Variants in ZSWIM5 observed in about 807,000 individuals in gnomAD.
ZSWIM5 encodes zinc finger SWIM-type containing 5.
A neutral mutation model predicts 119.6 loss-of-function variants in ZSWIM5; 55 were observed. That is an observed-to-expected ratio of 0.46 (90% CI 0.37 to 0.58). The LOEUF is 0.58. ZSWIM5 is among the 20% of genes least tolerant of loss of function. The probability of loss-of-function intolerance (pLI) is 0.00; values close to 1 mark genes in which losing one functional copy is unlikely to be tolerated. For synonymous variants in ZSWIM5, 537 were observed against 606.9 expected, an observed-to-expected ratio of 0.88 and a Z score of 1.69; for missense variants, 1,193 against 1,512.8, an observed-to-expected ratio of 0.79 and a Z score of 3.51.
rs375787755 is a variant in ZSWIM5, at chr1:45,036,232, A to T, written c.1962T>A (p.Ser654Arg). The change falls in exon 9 of 14, where the codon AGT becomes AGA. Residue 654 changes from serine (S) to arginine (R), a missense_variant. This residue lies in a region of ZSWIM5 where 961 missense variants were observed against 1,290.0 expected (regional missense o/e 0.74). Coordinates refer to ENST00000359600, the MANE Select transcript of ZSWIM5 (RefSeq NM_020883.2). ...CCAGGGCCAATGACAGGTAGGACTC[A>T]CTGCTGTTTGGGGAGCCTGCAGCCA... ...VPVAAGSPNS[S>R]ESYLSLALEV... The T allele has an allele frequency of 7.2e-5, 116 of 1,613,960 alleles. No individual in the cohort carries two copies. The African/African-American group carries it at 1.2e-3, about 17-fold the overall frequency.
rs1304770383 is a variant in ZSWIM5 at position 45,199,337 on chromosome 1, C to T, written c.595+6419G>A. On this transcript the variant is annotated intron_variant, in intron 1 of 13. Transcript: ENST00000359600. ...TTTTTGAGACGGAGTCTCACTCTGT[C>T]GCCCAGGCTGGAGTGCAGTGGCACG... Among the ~76,000 whole-genome samples the T allele has an allele frequency of 7.3e-5, 11 of 149,664 alleles. No individual in the cohort carries two copies. In the East Asian group the frequency reaches 2.2e-3, roughly 30 times the overall value.
chr1:45,113,908 C>A (rs1035440092), intron 1 of ZSWIM5, among the ~76,000 whole-genome samples: 6 of 152,192 alleles, frequency 3.9e-5, no homozygotes, highest in African/African-American at 1.4e-4. Flanking sequence ...TAATGTTGAA[C>A]CTTGCTTAGT....
intron 1 of ZSWIM5, among the ~76,000 whole-genome samples, chr1:45,151,714 C>CA (rs764908674): frequency 1.3e-5 from 2 of 152,126 alleles, no homozygotes; most frequent in East Asian, 3.9e-4. Context: ...AAAGACAAGA[C>CA]AAAAAGAATG....
intron 1 of ZSWIM5, among the ~76,000 whole-genome samples, chr1:45,151,361 A>T (rs888467938): frequency 6.6e-6 from 1 of 152,190 alleles, no homozygotes; most frequent in South Asian, 2.1e-4. Flanking sequence ...TACCTGGTTC[A>T]TGGTATGGCT....
At chr1:45,169,528 T>A (rs186795998) in intron 1 of ZSWIM5, among the ~76,000 whole-genome samples, 9 of 152,206 alleles carry the variant, frequency 5.9e-5, no homozygotes, top group Non-Finnish European at 1.2e-4. Flanking sequence ...AAAGCCCATG[T>A]AATCATCATC....
chr1:45,117,047 C>T (rs1645562731), intron 1 of ZSWIM5, among the ~76,000 whole-genome samples: 1 of 152,134 alleles, frequency 6.6e-6, no homozygotes, highest in East Asian at 1.9e-4. Context: ...AGTTGGGATC[C>T]ACAGCAGGAA....
chr1:45,035,914 A>G, intron 9 of ZSWIM5, 91 bp from the exon 10 acceptor site: 2 of 1,580,586 alleles, frequency 1.3e-6, no homozygotes, highest in Non-Finnish European at 1.7e-6. Flanking sequence ...ATGTTTGCTA[A>G]TCATGGGAAC....
intron 11 of ZSWIM5, among the ~76,000 whole-genome samples, chr1:45,024,267 C>T (rs1391498351): frequency 6.7e-6 from 1 of 149,324 alleles, no homozygotes; most frequent in African/African-American, 2.5e-5. Context: ...TCTGGGCTCA[C>T]TGCAACCTCT....
chr1:45,120,598 G>C (rs1396613399), intron 1 of ZSWIM5, among the ~76,000 whole-genome samples: 34 of 151,964 alleles, frequency 2.2e-4, no homozygotes, highest in Admixed American at 2.2e-3. Flanking sequence ...TTCCTGAGTA[G>C]CTGGGACCAC....
At chr1:45,124,523 T>A (rs1420728191) in intron 1 of ZSWIM5, among the ~76,000 whole-genome samples, 13 of 151,738 alleles carry the variant, frequency 8.6e-5, no homozygotes, top group African/African-American at 3.1e-4. Flanking sequence ...AATGTTCAAG[T>A]AACAACCCAC....
At chr1:45,104,936 C>G (rs1002739649) in intron 1 of ZSWIM5, among the ~76,000 whole-genome samples, 11 of 152,200 alleles carry the variant, frequency 7.2e-5, no homozygotes, top group African/African-American at 2.2e-4. Context: ...CAGCGATAAC[C>G]TTGCATTTAC....
intron 2 of ZSWIM5, among the ~76,000 whole-genome samples, chr1:45,071,473 T>TTTTTTG (rs1645221841): frequency 6.9e-6 from 1 of 144,646 alleles, no homozygotes; most frequent in Non-Finnish European, 1.5e-5. Context: ...TTTTTTTTTT[T>TTTTTTG]GAGATAGGGT....
At chr1:45,098,553 A>T (rs1645418299) in intron 1 of ZSWIM5, among the ~76,000 whole-genome samples, 1 of 152,236 alleles carries the variant, frequency 6.6e-6, no homozygotes, top group Non-Finnish European at 1.5e-5. Context: ...CAGACCTAAT[A>T]GACATCTACA....
chr1:45,059,386 G>A (rs1157526996), intron 3 of ZSWIM5, among the ~76,000 whole-genome samples: 1 of 152,164 alleles, frequency 6.6e-6, no homozygotes, highest in Non-Finnish European at 1.5e-5. Flanking sequence ...TATGCTGAGT[G>A]AAGGAAGCCA....
At chr1:45,070,681 T>C (rs946143318) in intron 2 of ZSWIM5, among the ~76,000 whole-genome samples, 10 of 152,248 alleles carry the variant, frequency 6.6e-5, no homozygotes, top group Admixed American at 5.2e-4. Context: ...TGTTTGTTAG[T>C]TCTATCTTCC....
intron 2 of ZSWIM5, among the ~76,000 whole-genome samples, chr1:45,069,409 G>C (rs1438312480): frequency 6.6e-6 from 1 of 150,486 alleles, no homozygotes; most frequent in African/African-American, 2.5e-5. Flanking sequence ...CTGGACGACA[G>C]AGTGAGACTC....
At chr1:45,188,704 AT>A (rs1033079603) in intron 1 of ZSWIM5, among the ~76,000 whole-genome samples, 2 of 152,228 alleles carry the variant, frequency 1.3e-5, no homozygotes, top group Non-Finnish European at 2.9e-5. Context: ...TCAAGGCCTC[AT>A]TAGGCAGCCT....
chr1:45,139,492 T>G (rs951682693), intron 1 of ZSWIM5, among the ~76,000 whole-genome samples: 6 of 138,400 alleles, frequency 4.3e-5, no homozygotes, highest in African/African-American at 1.6e-4. Flanking sequence ...TTTTTTTTTG[T>G]AGAGACAGTC....
chr1:45,021,645 G>A (rs1326252711), intron 11 of ZSWIM5, among the ~76,000 whole-genome samples: 1 of 152,184 alleles, frequency 6.6e-6, no homozygotes, highest in Non-Finnish European at 1.5e-5. Flanking sequence ...TGCTGATAAA[G>A]TCAAAGAGAA....
Sources: allele counts gnomAD v4.1 joint callset (sites outside exome capture counted in the v4.1 genomes callset), GRCh38; gene constraint gnomAD v4.1.1; regional missense constraint gnomAD v4.1.1; transcripts MANE v1.5; gene names NCBI Gene and HGNC (gene_info 2026-07-23, HGNC 2026-07-21).